Variants in WWOX observed in about 807,000 individuals in gnomAD.
WWOX encodes the protein WW domain containing oxidoreductase, also known as WW domain-containing oxidoreductase.
In WWOX, 69 loss-of-function variants were observed where a neutral mutation model predicts 46.2. The observed-to-expected ratio is 1.49, with a 90% CI of 1.23 to 1.82. WWOX has a LOEUF of 1.82. Among genes scored for constraint, WWOX ranks in the 40% most tolerant of loss-of-function variants. The pLI is 0.00. For missense variants in WWOX, 919 were observed against 542.6 expected (o/e 1.69, Z -6.89); for synonymous variants, 359 against 202.6 (o/e 1.77, Z -6.56).
chr16:79,184,738 A>G (rs928440272), intron 8 of WWOX, among the ~76,000 whole-genome samples: 3 of 152,210 alleles, frequency 2.0e-5, no homozygotes, highest in Admixed American at 2.0e-4. Flanking sequence ...GAAGACAAAT[A>G]GCCAAGATAG....
At chr16:78,927,201 G>A (rs916093434) in intron 8 of WWOX, among the ~76,000 whole-genome samples, 1 of 152,184 alleles carries the variant, frequency 6.6e-6, no homozygotes, top group African/African-American at 2.4e-5. Flanking sequence ...GAGGTATGTG[G>A]TACTCGTGAG....
intron 5 of WWOX, among the ~76,000 whole-genome samples, chr16:78,384,742 A>T (rs1232084426): frequency 1.3e-5 from 2 of 152,102 alleles, no homozygotes; most frequent in African/African-American, 4.8e-5. Flanking sequence ...GTTACCCAAG[A>T]CCAGGAATTT....
At chr16:78,382,027 T>C (rs1308818042) in intron 5 of WWOX, among the ~76,000 whole-genome samples, 1 of 152,180 alleles carries the variant, frequency 6.6e-6, no homozygotes, top group Non-Finnish European at 1.5e-5. Context: ...CAGCCAGTTA[T>C]ATTTTAGATG....
chr16:79,114,186 T>G (rs1196711776), intron 8 of WWOX, among the ~76,000 whole-genome samples: 1 of 152,108 alleles, frequency 6.6e-6, no homozygotes, highest in Non-Finnish European at 1.5e-5. Flanking sequence ...TGGGTTGAAT[T>G]GCATCCCCCC....
intron 5 of WWOX, among the ~76,000 whole-genome samples, chr16:78,186,503 C>A (rs550796513): frequency 4.6e-5 from 7 of 152,324 alleles, no homozygotes; most frequent in Non-Finnish European, 8.8e-5. Flanking sequence ...GTGCCTCATG[C>A]CTGTAATGTC....
intron 8 of WWOX, among the ~76,000 whole-genome samples, chr16:78,947,101 G>GA (rs368991628): frequency 0.025 from 3,392 of 134,576 alleles, 98 homozygotes; most frequent in African/African-American, 0.073. Context: ...AATCCCTGTG[G>GA]AAAAAAAAAA....
chr16:78,917,840 A>C (rs772173806), intron 8 of WWOX, among the ~76,000 whole-genome samples: 3 of 152,170 alleles, frequency 2.0e-5, no homozygotes, highest in Non-Finnish European at 2.9e-5. Flanking sequence ...GACAAGGAAT[A>C]CATCTAGATC....
chr16:78,975,195 T>C (rs1426546167), intron 8 of WWOX, among the ~76,000 whole-genome samples: 1 of 152,212 alleles, frequency 6.6e-6, no homozygotes, highest in Non-Finnish European at 1.5e-5. Context: ...TGAACACCTA[T>C]ACGAATTAGC....
At chr16:78,821,231 G>T (rs1248607127) in intron 8 of WWOX, among the ~76,000 whole-genome samples, 1 of 152,158 alleles carries the variant, frequency 6.6e-6, no homozygotes, top group African/African-American at 2.4e-5. Flanking sequence ...GTTGAGCATC[G>T]TCTGTTACCT....
intron 8 of WWOX, among the ~76,000 whole-genome samples, chr16:78,909,869 C>T (rs1382917104): frequency 2.0e-5 from 3 of 152,184 alleles, no homozygotes. Flanking sequence ...TGGCACATTG[C>T]ATGCTTATTC....
intron 8 of WWOX, among the ~76,000 whole-genome samples, chr16:78,683,415 C>T (rs1169181770): frequency 6.6e-6 from 1 of 151,878 alleles, no homozygotes; most frequent in East Asian, 1.9e-4. Context: ...TGGTGTGTGC[C>T]TGTAATCCCA....
intron 8 of WWOX, among the ~76,000 whole-genome samples, chr16:79,144,415 T>C (rs922143390): frequency 1.5e-4 from 23 of 152,312 alleles, no homozygotes; most frequent in African/African-American, 5.1e-4. Flanking sequence ...AGCTGCTGCT[T>C]ATCTCCTTGT....
At chr16:78,918,420 C>A (rs1379920068) in intron 8 of WWOX, among the ~76,000 whole-genome samples, 3 of 151,930 alleles carry the variant, frequency 2.0e-5, no homozygotes, top group African/African-American at 7.3e-5. Context: ...AGGTCGTGTC[C>A]TATCCCTTTA....
At chr16:78,628,063 G>C (rs566884058) in intron 8 of WWOX, among the ~76,000 whole-genome samples, 1 of 152,312 alleles carries the variant, frequency 6.6e-6, no homozygotes, top group East Asian at 1.9e-4. Flanking sequence ...GGGTGTGTCA[G>C]ATTTTGTAAG....
rs939482633 is a variant in WWOX at position 78,707,155 on chromosome 16, T to C, written c.1056+274403T>C. Among the ~76,000 whole-genome samples, 10 of 152,188 alleles carry C rather than the reference T, an allele frequency of 6.6e-5. 1 individual carries two copies. The highest frequency in any genetic ancestry group is 5.9e-5 in the Non-Finnish European group (4 of 68,032). ...ATTCTGATCACTCAAATAATCTTAG[T>C]GTTAAAGGGTTTATTTTTATTTTTC... On this transcript the variant is annotated intron_variant, in intron 8 of 8. Coordinates refer to ENST00000566780, the MANE Select transcript of WWOX (RefSeq NM_016373.4).
At chr16:79,077,018 G>C (rs577508723) in intron 8 of WWOX, among the ~76,000 whole-genome samples, 1 of 152,100 alleles carries the variant, frequency 6.6e-6, no homozygotes, top group Non-Finnish European at 1.5e-5. Flanking sequence ...TGTTTTTATA[G>C]GGAAAAACAG....
At chr16:78,317,354 G>C (rs889958436) in intron 5 of WWOX, among the ~76,000 whole-genome samples, 1 of 152,064 alleles carries the variant, frequency 6.6e-6, no homozygotes, top group African/African-American at 2.4e-5. Flanking sequence ...TTCCCCAGGG[G>C]TGATTGTGTT....
At chr16:78,768,285 A>AG (rs2049976236) in intron 8 of WWOX, among the ~76,000 whole-genome samples, 1 of 148,776 alleles carries the variant, frequency 6.7e-6, no homozygotes, top group Non-Finnish European at 1.5e-5. Flanking sequence ...GAGTTAAAAA[A>AG]AAAAAAAAAA....
chr16:78,594,451 A>G (rs1257354086), intron 8 of WWOX, among the ~76,000 whole-genome samples: 1 of 22,324 alleles, frequency 4.5e-5, no homozygotes, highest in African/African-American at 2.3e-4. Flanking sequence ...CCCCCGCCAA[A>G]TTGTCCCGTT....
Sources: allele counts gnomAD v4.1 joint callset (sites outside exome capture counted in the v4.1 genomes callset), GRCh38; gene constraint gnomAD v4.1.1; transcripts MANE v1.5; gene names NCBI Gene and HGNC (gene_info 2026-07-23, HGNC 2026-07-21).